ARHGAP15: variants seen among roughly 807,000 people sequenced by gnomAD.
ARHGAP15 encodes Rho GTPase activating protein 15.
Under a neutral mutation model 63.7 loss-of-function variants are expected in ARHGAP15, and 51 were observed. The observed-to-expected ratio is 0.80, with a 90% CI of 0.64 to 1.01. ARHGAP15 has a LOEUF of 1.01. Among genes scored for constraint, ARHGAP15 ranks in the 50% least tolerant of loss-of-function variants. The pLI, the probability that ARHGAP15 is intolerant of heterozygous loss-of-function variation, is 0.00. For missense variants in ARHGAP15, 560 were observed against 564.6 expected (o/e 0.99, Z 0.08); for synonymous variants, 191 against 193.8 (o/e 0.99, Z 0.12).
At chr2:143,533,459 T>C (rs1158822570) in intron 10 of ARHGAP15, 1 of 152,208 alleles carries the variant, frequency 6.6e-6, no homozygotes, top group Non-Finnish European at 1.5e-5. Flanking sequence ...ACTCTCCTTC[T>C]GGCACACCTG....
chr2:143,484,404 T>A (rs190591310), intron 8 of ARHGAP15, among the ~76,000 whole-genome samples: 1,643 of 149,820 alleles, frequency 0.011, 26 homozygotes, highest in African/African-American at 0.039. Flanking sequence ...TAGTGGCACA[T>A]GCCTGTAATC....
intron 8 of ARHGAP15, among the ~76,000 whole-genome samples, chr2:143,485,129 G>T (rs529436437): frequency 4.5e-4 from 68 of 152,228 alleles, no homozygotes; most frequent in Non-Finnish European, 7.8e-4. Context: ...GAGTGTACAG[G>T]TTTGTTACAT....
At chr2:143,310,000 C>A (rs1683363772) in intron 6 of ARHGAP15, among the ~76,000 whole-genome samples, 2 of 151,718 alleles carry the variant, frequency 1.3e-5, no homozygotes, top group African/African-American at 2.4e-5. Context: ...ATTTTATGTT[C>A]TTTCAAGGCA....
intron 11 of ARHGAP15, among the ~76,000 whole-genome samples, chr2:143,592,261 A>G (rs187057234): frequency 6.6e-6 from 1 of 152,352 alleles, no homozygotes; most frequent in East Asian, 1.9e-4. Flanking sequence ...GCAAGAAATT[A>G]TAGCATCATT....
intron 12 of ARHGAP15, among the ~76,000 whole-genome samples, chr2:143,680,752 A>G (rs901595054): frequency 6.6e-6 from 1 of 152,224 alleles, no homozygotes; most frequent in Non-Finnish European, 1.5e-5. Context: ...ATAAGCCTGC[A>G]TAGGTGGCAG....
chr2:143,169,619 T>C (rs938715959), intron 2 of ARHGAP15, among the ~76,000 whole-genome samples: 2 of 152,034 alleles, frequency 1.3e-5, no homozygotes, highest in Non-Finnish European at 2.9e-5. Context: ...AAGACACTAA[T>C]GCCCCTGGGA....
chr2:143,391,954 G>A lies in ARHGAP15; in HGVS notation c.475-43647G>A, dbSNP rs147788857. Among the ~76,000 whole-genome samples, 393 of 152,204 alleles carry A rather than the reference G, an allele frequency of 2.6e-3. 3 individuals carry two copies. Among genetic ancestry groups the A allele is most frequent in the African/African-American group, 8.9e-3 (369 of 41,540 alleles). On this transcript the variant is annotated intron_variant, in intron 6 of 13. Transcript: ENST00000295095. ...GGTACTTCAGGTCACAAAAAAGAACGTATTATTAGAAACTAACACATAGGC... is the reference window on the plus strand; with the variant it reads ...GGTACTTCAGGTCACAAAAAAGAACATATTATTAGAAACTAACACATAGGC...
intron 5 of ARHGAP15, among the ~76,000 whole-genome samples, chr2:143,229,031 G>A (rs549629605): frequency 6.6e-6 from 1 of 152,074 alleles, no homozygotes; most frequent in Non-Finnish European, 1.5e-5. Flanking sequence ...GTTATAAAAT[G>A]CATTAGTAAT....
At chr2:143,510,427 CA>C (rs1447563720) in intron 9 of ARHGAP15, among the ~76,000 whole-genome samples, 3 of 152,158 alleles carry the variant, frequency 2.0e-5, no homozygotes, top group Non-Finnish European at 4.4e-5. Flanking sequence ...GTTATTATGA[CA>C]ATGCTGATGC....
chr2:143,553,335 G>A (rs1695655806), intron 10 of ARHGAP15, among the ~76,000 whole-genome samples: 1 of 152,140 alleles, frequency 6.6e-6, no homozygotes, highest in African/African-American at 2.4e-5. Flanking sequence ...CAAAGCAGGA[G>A]CCGCTAATGT....
chr2:143,542,572 G>A (rs1220868506), intron 10 of ARHGAP15, among the ~76,000 whole-genome samples: 3 of 148,930 alleles, frequency 2.0e-5, no homozygotes, highest in East Asian at 2.0e-4. Context: ...TTGTGTGTGT[G>A]TGTGCACATA....
intron 2 of ARHGAP15, among the ~76,000 whole-genome samples, chr2:143,166,779 A>C (rs1208993586): frequency 6.6e-6 from 1 of 152,086 alleles, no homozygotes; most frequent in Admixed American, 6.6e-5. Flanking sequence ...ATTCCACCTG[A>C]TTTTAACCTA....
At chr2:143,370,397 TAGATGACG>T (rs1446718098) in intron 6 of ARHGAP15, among the ~76,000 whole-genome samples, 4 of 152,124 alleles carry the variant, frequency 2.6e-5, no homozygotes, top group Non-Finnish European at 4.4e-5. Context: ...TACCTAATGC[TAGATGACG>T]AGTTAGTGGG....
chr2:143,358,939 A>G (rs541796198), intron 6 of ARHGAP15, among the ~76,000 whole-genome samples: 2 of 151,978 alleles, frequency 1.3e-5, no homozygotes, highest in Non-Finnish European at 2.9e-5. Flanking sequence ...AAAAAAACCA[A>G]CTGATAAAAT....
chr2:143,214,491 A>G (rs760008505), intron 3 of ARHGAP15, among the ~76,000 whole-genome samples: 1 of 152,224 alleles, frequency 6.6e-6, no homozygotes, highest in Non-Finnish European at 1.5e-5. Context: ...AGAAAAAGGG[A>G]CAGTATACAT....
At chr2:143,591,044 T>C (rs1236364318) in intron 11 of ARHGAP15, among the ~76,000 whole-genome samples, 1 of 152,196 alleles carries the variant, frequency 6.6e-6, no homozygotes, top group Non-Finnish European at 1.5e-5. Context: ...AGGAGTTATT[T>C]CTTCATAAAA....
chr2:143,647,661 A>C (rs562352915), intron 12 of ARHGAP15, among the ~76,000 whole-genome samples: 3 of 152,120 alleles, frequency 2.0e-5, no homozygotes, highest in African/African-American at 7.2e-5. Context: ...TTGGGGAAAA[A>C]ATTAATCTTT....
At chr2:143,341,366 T>C (rs1368856657) in intron 6 of ARHGAP15, among the ~76,000 whole-genome samples, 1 of 152,186 alleles carries the variant, frequency 6.6e-6, no homozygotes, top group Non-Finnish European at 1.5e-5. Flanking sequence ...ATTTCACTGA[T>C]ATAACAACTT....
chr2:143,162,491 A>G (rs1187218212), intron 2 of ARHGAP15: 1 of 152,014 alleles, frequency 6.6e-6, no homozygotes, highest in Non-Finnish European at 1.5e-5. Flanking sequence ...AACAGCATGG[A>G]AAGACTCTGA....
Sources: gnomAD v4.1 joint callset for allele counts (sites outside exome capture counted in the v4.1 genomes callset) on GRCh38, gnomAD v4.1.1 for gene constraint, MANE v1.5 for transcripts, NCBI Gene and HGNC (gene_info 2026-07-23, HGNC 2026-07-21) for gene names.